ENG: variants seen among roughly 807,000 people sequenced by gnomAD.
The protein encoded by ENG is CD105 antigen.
In ENG, 17 loss-of-function variants were observed where a neutral mutation model predicts 71.0. The observed-to-expected ratio is 0.24, with a 90% confidence interval of 0.16 to 0.36. ENG has a LOEUF of 0.36. Among genes scored for constraint, ENG ranks in the 10% least tolerant of loss-of-function variants. The pLI, the probability that ENG is intolerant of heterozygous loss-of-function variation, is 1.00. For synonymous variants in ENG, 360 were observed against 366.9 expected (o/e 0.98, Z 0.21); for missense variants, 749 against 868.3 (o/e 0.86, Z 1.73).
chr9:127,825,962 C>T (rs899907736), intron 4 of ENG, 102 bp from the exon 5 acceptor site: 60 of 1,473,650 alleles, frequency 4.1e-5, no homozygotes, highest in Non-Finnish European at 5.2e-5. Flanking sequence ...GCAGGCAGGA[C>T]GGTGCTGCAG....
intron 8 of ENG, among the ~76,000 whole-genome samples, chr9:127,823,961 G>A (rs1013294250): frequency 2.0e-5 from 3 of 152,052 alleles, no homozygotes; most frequent in African/African-American, 4.8e-5. Context: ...GATTACAGGC[G>A]TGAACCACCA....
At chr9:127,845,908 A>G (rs1192159810) in intron 1 of ENG, among the ~76,000 whole-genome samples, 2 of 152,070 alleles carry the variant, frequency 1.3e-5, no homozygotes, top group Admixed American at 6.6e-5. Context: ...GGGTCTCACT[A>G]TGTTGCTCAG....
At position 127,845,019 on chromosome 9, in the gene ENG, G is replaced by A. The variant is rs543805100; in HGVS notation, c.68-1774C>T. Among the ~76,000 whole-genome samples, 7 of 152,304 alleles carry A rather than the reference G, an allele frequency of 4.6e-5. No homozygotes were observed. In the South Asian group the frequency reaches 8.3e-4, roughly 18 times the overall value. On this transcript the variant is annotated intron_variant, in intron 1 of 14. Coordinates refer to ENST00000373203, the MANE Select transcript of ENG (RefSeq NM_001114753.3). ...AATTTCACCCTGACCCAGCAGGGTCGGAAAAGGAAATGAGGCTCCTACACC... is the reference window on the plus strand; with the variant it reads ...AATTTCACCCTGACCCAGCAGGGTCAGAAAAGGAAATGAGGCTCCTACACC...
Position 127,817,441 on chromosome 9 carries a change from C to T in ENG, c.1687-238G>A, listed in dbSNP as rs909995772. ...TGTGAGTTCCTGGAGGCCTTGATGC[C>T]CAGGAGCACTGTGGAAGCACTATGC... On this transcript the variant is annotated intron_variant, in intron 12 of 14. Transcript: ENST00000373203. 3 of 596,136 alleles carry T rather than the reference C, an allele frequency of 5.0e-6. No individual in the cohort carries two copies. In the African/African-American group the frequency reaches 5.5e-5, roughly 11 times the overall value. 36.9% of individuals were successfully genotyped at this position (596,136 alleles called of 1,614,324 possible). A position where few individuals can be genotyped will look rare whatever the true frequency, so the allele number is the denominator to read the frequency against.
intron 6 of ENG, 102 bp from the exon 7 acceptor site, chr9:127,825,076 C>G (rs1830574020): frequency 6.3e-7 from 1 of 1,585,716 alleles, no homozygotes; most frequent in Non-Finnish European, 8.6e-7. Flanking sequence ...TGTGTCCCCA[C>G]TCCTGCTGCG....
chr9:127,816,639 T>G, intron 13 of ENG: 2 of 246,176 alleles, frequency 8.1e-6, no homozygotes, highest in South Asian at 1.1e-4. Flanking sequence ...CATCCTGGCC[T>G]GGATGGGGTG....
chr9:127,816,090 C>G, intron 13 of ENG, 37 bp from the exon 14 acceptor site: 1 of 1,596,740 alleles, frequency 6.3e-7, no homozygotes, highest in Non-Finnish European at 8.5e-7. Flanking sequence ...TGCCACTCTG[C>G]CCCTGCCCCA....
At position 127,824,505 on chromosome 9, in the gene ENG, C is replaced by T. The variant is rs1472690245; in HGVS notation, c.992-59G>A. On this transcript the variant is annotated intron_variant, in intron 7 of 14. Coordinates refer to ENST00000373203, the MANE Select transcript of ENG (RefSeq NM_001114753.3). ...TCACTGTGTGATCACTGTGTGCCCGCACCAGGCTTTTTTTTTTTTTTTTTT... is the reference window on the plus strand; with the variant it reads ...TCACTGTGTGATCACTGTGTGCCCGTACCAGGCTTTTTTTTTTTTTTTTTT... 9.9e-5 allele frequency: 138 copies of T among 1,394,774 alleles called. 1 individual carries two copies. The South Asian group carries it at 1.7e-3, about 17-fold the overall frequency. 86.4% of individuals were successfully genotyped at this position (1,394,774 alleles called of 1,614,324 possible). A position where few individuals can be genotyped will look rare whatever the true frequency, so the allele number is the denominator to read the frequency against.
chr9:127,842,300 C>T (rs1336768514), intron 2 of ENG, among the ~76,000 whole-genome samples: 1 of 150,948 alleles, frequency 6.6e-6, no homozygotes, highest in African/African-American at 2.4e-5. Flanking sequence ...AATGTTGGCT[C>T]ACTGCAACCT....
At chr9:127,847,863 G>C (rs1215068914) in intron 1 of ENG, among the ~76,000 whole-genome samples, 1 of 152,158 alleles carries the variant, frequency 6.6e-6, no homozygotes, top group Non-Finnish European at 1.5e-5. Context: ...GCCACCAGGA[G>C]GTCTCAGCAT....
intron 2 of ENG, among the ~76,000 whole-genome samples, chr9:127,833,535 A>G (rs972437302): frequency 6.6e-6 from 1 of 151,416 alleles, no homozygotes; most frequent in Non-Finnish European, 1.5e-5. Context: ...AAAAAAAAAA[A>G]AAAAAAAAAA....
chr9:127,846,906 A>G lies in ENG; in HGVS notation c.68-3661T>C. On this transcript the variant is annotated intron_variant, in intron 1 of 14. Transcript: ENST00000373203. This position sits in a 1 kb window ranked among gnomAD's most constrained non-coding sequence, Gnocchi z 5.5. ...CCACCCTCGCCACCCATGTGCACAC[A>G]GCACCTCCCAGATTTCCAGAGGGCT... The G allele has an allele frequency of 1.0e-6, 1 of 985,546 alleles. No individual in the cohort carries two copies. Among genetic ancestry groups the G allele is most frequent in the Non-Finnish European group, 1.2e-6 (1 of 830,012 alleles). 61.1% of individuals were successfully genotyped at this position (985,546 alleles called of 1,614,324 possible). A position where few individuals can be genotyped will look rare whatever the true frequency, so the allele number is the denominator to read the frequency against.
intron 2 of ENG, among the ~76,000 whole-genome samples, chr9:127,830,184 A>C (rs941418479): frequency 6.6e-6 from 1 of 151,558 alleles, no homozygotes; most frequent in African/African-American, 2.4e-5. Context: ...TGTACTAAAA[A>C]TACAAAAATT....
intron 1 of ENG, among the ~76,000 whole-genome samples, chr9:127,849,743 C>T (rs1220679798): frequency 6.6e-6 from 1 of 152,194 alleles, no homozygotes; most frequent in Non-Finnish European, 1.5e-5. Context: ...GGAAGATCCC[C>T]ATCCTCTCCA....
chr9:127,837,985 C>A (rs1213424350), intron 2 of ENG, among the ~76,000 whole-genome samples: 2 of 152,112 alleles, frequency 1.3e-5, no homozygotes, highest in Non-Finnish European at 2.9e-5. Flanking sequence ...ATACAAATGG[C>A]AGCCTCTGGC....
At chr9:127,820,409 G>A (rs1830442032) in intron 8 of ENG, among the ~76,000 whole-genome samples, 1 of 151,480 alleles carries the variant, frequency 6.6e-6, no homozygotes. Context: ...TGGCCAGGCT[G>A]GTCTCAAACT....
rs1248224099 is a variant in ENG at position 127,843,732 on chromosome 9, CATACAT to C, written c.68-493_68-488del. 1.6e-3 allele frequency among the ~76,000 whole-genome samples: 20 copies of C among 12,752 alleles called. 3 individuals are homozygous for C. Among genetic ancestry groups the C allele is most frequent in the South Asian group, 7.5e-3 (2 of 268 alleles). 8.4% of individuals were successfully genotyped at this position (12,752 alleles called of 152,430 possible). A position where few individuals can be genotyped will look rare whatever the true frequency, so the allele number is the denominator to read the frequency against. ...ATACATATATACACCCACACATCCA[CATACAT>C]ATATATATATATATATATTTTTTTT... On this transcript the variant is annotated intron_variant, in intron 1 of 14. Transcript: ENST00000373203.
chr9:127,830,048 G>GA (rs1338846140), intron 2 of ENG, among the ~76,000 whole-genome samples: 2 of 151,836 alleles, frequency 1.3e-5, no homozygotes, highest in South Asian at 4.2e-4. Flanking sequence ...TCTGAAGAGA[G>GA]AAAAAAAATT....
At chr9:127,815,880 C>T in intron 14 of ENG, 63 bp downstream of exon 14, 1 of 1,563,458 alleles carries the variant, frequency 6.4e-7, no homozygotes, top group South Asian at 1.2e-5. Context: ...AGAGGCTTCA[C>T]TGGGCTCCCC....
Sources: allele counts gnomAD v4.1 joint callset (sites outside exome capture counted in the v4.1 genomes callset), GRCh38; gene constraint gnomAD v4.1.1; non-coding constraint Gnocchi (gnomAD v3.1); transcripts MANE v1.5; gene names NCBI Gene and HGNC (gene_info 2026-07-23, HGNC 2026-07-21).